STK32A: variants seen among roughly 807,000 people sequenced by gnomAD.
STK32A encodes serine/threonine kinase 32A, also known as serine/threonine-protein kinase 32A.
In STK32A, 41 loss-of-function variants were observed where a neutral mutation model predicts 53.2. That is an observed-to-expected ratio of 0.77 (90% CI 0.60 to 1.00). The LOEUF (loss-of-function observed/expected upper bound fraction) is 1.00. Among genes scored for constraint, STK32A ranks in the 50% least tolerant of loss-of-function variants. STK32A has a pLI of 0.00. For missense variants in STK32A, 458 were observed against 485.8 expected (o/e 0.94, Z 0.54); for synonymous variants, 166 against 162.8 (o/e 1.02, Z -0.15).
rs184542219 is a variant in STK32A, at chr5:147,353,373, C to A, written c.562+2219C>A. Among the ~76,000 whole-genome samples, 187 of 152,190 alleles carry A rather than the reference C, an allele frequency of 1.2e-3. 1 individual carries two copies. Among genetic ancestry groups the A allele is most frequent in the African/African-American group, 4.3e-3 (179 of 41,508 alleles). The stretch of plus-strand genomic sequence containing the variant: ...GCAAATAGGACTAAAACTTATTAGG[C>A]AACAGACTGAGATATCATTAGGCGA... On this transcript the variant is annotated intron_variant, in intron 7 of 12. Coordinates refer to ENST00000397936, the MANE Select transcript of STK32A (RefSeq NM_001112724.2).
intron 4 of STK32A, among the ~76,000 whole-genome samples, chr5:147,282,879 C>T (rs1039031377): frequency 4.6e-5 from 7 of 152,164 alleles, no homozygotes; most frequent in Admixed American, 4.6e-4. Flanking sequence ...CAGCACTAGA[C>T]AGGTCATCAA....
intron 7 of STK32A, 59 bp downstream of exon 7, chr5:147,351,213 T>G: frequency 7.2e-7 from 1 of 1,395,544 alleles, no homozygotes; most frequent in Non-Finnish European, 1.0e-6. Context: ...TTATTACAGG[T>G]GGAATCATCT....
Position 147,257,333 on chromosome 5 carries a change from C to T in STK32A, c.52+17647C>T, listed in dbSNP as rs149110215. Among the ~76,000 whole-genome samples the T allele has an allele frequency of 3.5e-3, 526 of 152,122 alleles. 4 individuals carry two copies. Among genetic ancestry groups the T allele is most frequent in the African/African-American group, 0.012 (488 of 41,476 alleles). Reference sequence around the variant, plus strand: ...ATTAAATGGTCCCAATTCACTAATGCCCAGTCTGATGACAGTCAGGAGGCA... The same window carrying T: ...ATTAAATGGTCCCAATTCACTAATGTCCAGTCTGATGACAGTCAGGAGGCA... On this transcript the variant is annotated intron_variant, in intron 2 of 12. Coordinates refer to ENST00000397936, the MANE Select transcript of STK32A (RefSeq NM_001112724.2).
intron 4 of STK32A, among the ~76,000 whole-genome samples, chr5:147,294,476 G>A (rs1752767159): frequency 6.6e-6 from 1 of 151,838 alleles, no homozygotes; most frequent in Non-Finnish European, 1.5e-5. Context: ...TGGCCAGGCT[G>A]GTATACTTCT....
At chr5:147,320,093 T>C (rs1275551731) in intron 4 of STK32A, among the ~76,000 whole-genome samples, 1 of 152,236 alleles carries the variant, frequency 6.6e-6, no homozygotes, top group Non-Finnish European at 1.5e-5. Context: ...TGTTATTCAA[T>C]CTATTTTATT....
At chr5:147,399,897 T>C in the STK32A span, among the ~76,000 whole-genome samples, 1 of 152,190 alleles carries the variant, frequency 6.6e-6, no homozygotes, top group African/African-American at 2.4e-5. Flanking sequence ...ACAATATTTA[T>C]ATTTTCCCTC....
intron 4 of STK32A, among the ~76,000 whole-genome samples, chr5:147,302,326 T>C (rs1412963392): frequency 4.6e-5 from 7 of 152,166 alleles, no homozygotes; most frequent in African/African-American, 1.7e-4. Flanking sequence ...TAAAGTGAGT[T>C]TATTCGAGTA....
At chr5:147,398,275 C>T in the STK32A span, among the ~76,000 whole-genome samples, 10 of 152,088 alleles carry the variant, frequency 6.6e-5, no homozygotes, top group Non-Finnish European at 1.5e-4. Flanking sequence ...GGGATTTCTC[C>T]CTACCTCCTT....
In STK32A at chr5:147,266,970, C is replaced by T. The variant is rs539053469; in HGVS notation, c.53-11154C>T. Among the ~76,000 whole-genome samples, 10 of 151,622 alleles carry T rather than the reference C, an allele frequency of 6.6e-5. No homozygotes were observed. In the East Asian group the frequency reaches 1.8e-3, roughly 27 times the overall value. On this transcript the variant is annotated intron_variant, in intron 2 of 12. Transcript: ENST00000397936. ...CCTGGGAGGCAGAGGTTGTGGTGAG[C>T]CGAGATTGTGCCATTGCACTTGTAC...
chr5:147,311,980 G>A (rs192649938), intron 4 of STK32A, among the ~76,000 whole-genome samples: 139 of 152,266 alleles, frequency 9.1e-4, no homozygotes, highest in Non-Finnish European at 1.5e-3. Flanking sequence ...TCTAGTTTAC[G>A]TTTGTCAAGG....
At chr5:147,242,018 A>G in intron 2 of STK32A, among the ~76,000 whole-genome samples, 1 of 152,194 alleles carries the variant, frequency 6.6e-6, no homozygotes, top group Middle Eastern at 3.2e-3. Flanking sequence ...AATTGTGACA[A>G]TTGGGAAATA....
At chr5:147,362,090 T>C (rs1216003706) in intron 8 of STK32A, among the ~76,000 whole-genome samples, 1 of 152,190 alleles carries the variant, frequency 6.6e-6, no homozygotes, top group African/African-American at 2.4e-5. Context: ...TCATTTCCTT[T>C]TAAAGGAAAC....
chr5:147,248,636 T>C (rs911490300), intron 2 of STK32A, among the ~76,000 whole-genome samples: 1 of 152,202 alleles, frequency 6.6e-6, no homozygotes, highest in Non-Finnish European at 1.5e-5. Context: ...AAAGAAATTG[T>C]CAATATATTT....
At chr5:147,241,364 A>C (rs1753568095) in intron 2 of STK32A, among the ~76,000 whole-genome samples, 1 of 152,172 alleles carries the variant, frequency 6.6e-6, no homozygotes, top group Admixed American at 6.5e-5. Context: ...CTGTAGTCCC[A>C]GCTACTCGGG....
rs565543690 is a variant in STK32A at position 147,342,984 on chromosome 5, T to C, written c.435-22T>C. The stretch of plus-strand genomic sequence containing the variant: ...GTTCGTTTTATTGTGAGCAACTTTC[T>C]TTTTTCTTTTTACTCCTCTAGGGAT... On this transcript the variant is annotated intron_variant, in intron 5 of 12. Coordinates refer to ENST00000397936, the MANE Select transcript of STK32A (RefSeq NM_001112724.2). 8 of 1,612,834 alleles carry C rather than the reference T, an allele frequency of 5.0e-6. No homozygotes were observed. The East Asian group carries it at 1.1e-4, about 22-fold the overall frequency.
At chr5:147,346,561 G>A (rs1755703367) in intron 6 of STK32A, among the ~76,000 whole-genome samples, 1 of 152,140 alleles carries the variant, frequency 6.6e-6, no homozygotes, top group African/African-American at 2.4e-5. Context: ...ATCAGAATTT[G>A]CCTTAAAAAT....
At chr5:147,334,394 A>G (rs547394133) in intron 5 of STK32A, among the ~76,000 whole-genome samples, 44 of 152,332 alleles carry the variant, frequency 2.9e-4, no homozygotes, top group African/African-American at 8.7e-4. Flanking sequence ...TTGTACTAGT[A>G]ATTTATGGAT....
chr5:147,320,229 T>C (rs562385246), intron 4 of STK32A, among the ~76,000 whole-genome samples: 13 of 152,224 alleles, frequency 8.5e-5, no homozygotes, highest in Admixed American at 7.8e-4. Flanking sequence ...ACCCTCAGAG[T>C]CAGATTTATT....
chr5:147,336,682 T>C (rs1012962725), intron 5 of STK32A, among the ~76,000 whole-genome samples: 4 of 152,198 alleles, frequency 2.6e-5, no homozygotes, highest in Non-Finnish European at 5.9e-5. Context: ...TTTAATCATC[T>C]AACCCTGACA....
Sources: allele counts gnomAD v4.1 joint callset (sites outside exome capture counted in the v4.1 genomes callset), GRCh38; gene constraint gnomAD v4.1.1; transcripts MANE v1.5; gene names NCBI Gene and HGNC (gene_info 2026-07-23, HGNC 2026-07-21).